Variants in RUBCN observed in about 807,000 individuals in gnomAD.
RUBCN encodes run domain Beclin-1-interacting and cysteine-rich domain-containing protein.
In RUBCN, 74 loss-of-function variants were observed where a neutral mutation model predicts 113.2. The observed-to-expected ratio is 0.65, with a 90% confidence interval of 0.54 to 0.79. The LOEUF (loss-of-function observed/expected upper bound fraction) is 0.79. Ranked by LOEUF, RUBCN falls within the 30% of genes least tolerant of loss-of-function variation. The pLI, the probability that RUBCN is intolerant of heterozygous loss-of-function variation, is 0.00. For synonymous variants in RUBCN, 480 were observed against 490.0 expected (o/e 0.98, Z 0.27); for missense variants, 1,109 against 1,251.7 (o/e 0.89, Z 1.72).
chr3:197,747,548 GA>G (rs1030494601), intron 1 of RUBCN, among the ~76,000 whole-genome samples: 5 of 152,090 alleles, frequency 3.3e-5, no homozygotes, highest in African/African-American at 1.2e-4. Context: ...TAGTGGTAGG[GA>G]GGATTTTATA....
At chr3:197,700,046 T>G (rs1049918699) in intron 7 of RUBCN, among the ~76,000 whole-genome samples, 7 of 152,282 alleles carry the variant, frequency 4.6e-5, no homozygotes, top group Non-Finnish European at 8.8e-5. Flanking sequence ...TATCAGCTGG[T>G]GTTTGGTGAG....
chr3:197,718,266 C>T lies in RUBCN; in HGVS notation c.66-136G>A, dbSNP rs572203805. 1.1e-4 allele frequency: 103 copies of T among 908,670 alleles called. 1 individual carries two copies. Among genetic ancestry groups the T allele is most frequent in the Non-Finnish European group, 1.7e-4 (93 of 561,982 alleles). The allele number at this position is 908,670 out of a possible 1,614,324, so 56.3% of individuals were successfully genotyped here. Reference sequence around the variant, plus strand: ...TCTCCCCTCTTAATTTTTACTTGGGCACAAAACTCAACTCTGAGAGAATTA... The same window carrying T: ...TCTCCCCTCTTAATTTTTACTTGGGTACAAAACTCAACTCTGAGAGAATTA... On this transcript the variant is annotated intron_variant, in intron 1 of 19. Transcript: ENST00000296343.
chr3:197,717,072 G>A (rs1332633163), intron 2 of RUBCN, among the ~76,000 whole-genome samples: 1 of 152,148 alleles, frequency 6.6e-6, no homozygotes, highest in African/African-American at 2.4e-5. Context: ...AGCGAGCCAT[G>A]ATTTTGTCAT....
chr3:197,743,774 A>G (rs1439480734), intron 1 of RUBCN, among the ~76,000 whole-genome samples: 1 of 152,206 alleles, frequency 6.6e-6, no homozygotes, highest in Non-Finnish European at 1.5e-5. Flanking sequence ...TCACGAGGTC[A>G]GGAGTTCAAG....
At position 197,694,434 on chromosome 3, in the gene RUBCN, C is replaced by T; in HGVS notation, c.1625G>A (p.Arg542Gln). 3 of 1,614,172 alleles carry T rather than the reference C, an allele frequency of 1.9e-6. No individual in the cohort carries two copies. The highest frequency in any genetic ancestry group is 1.6e-4 in the Middle Eastern group (1 of 6,062). Residue 542 changes from arginine (R) to glutamine (Q), a missense_variant, in exon 10 of 20, where the codon CGG becomes CAG. Physicochemically the swap from Arg to Gln is conservative, Grantham distance 43. Around this residue, in one of 3 missense-constraint regions of RUBCN, gnomAD observed 736 missense variants for 779.6 expected, o/e 0.94. Transcript: ENST00000296343. ...IQELKQKIRL[R>Q]RQQIRTKNLL... is the part of the protein sequence containing the mutation. ...GTTCTTGGTGCGGATTTGCTGGCGC[C>T]GAAGGCGGATCTTCTGCTTCAGCTC...
At chr3:197,728,647 T>A (rs1178933887) in intron 1 of RUBCN, among the ~76,000 whole-genome samples, 2 of 152,174 alleles carry the variant, frequency 1.3e-5, no homozygotes, top group East Asian at 3.9e-4. Flanking sequence ...ACCAACTATA[T>A]GTCAGGCACT....
Position 197,742,514 on chromosome 3 carries a change from G to C in RUBCN, c.-116+6755C>G, listed in dbSNP as rs1728566809. On this transcript the variant is annotated intron_variant, in intron 1 of 20. Transcript: ENST00000273582. ...TCAAAAAAAAAAAATCTTATTTCTA[G>C]ACTGAGCAAATCCTTAACATAGTTG... Among the ~76,000 whole-genome samples the C allele has an allele frequency of 2.0e-5, 3 of 152,254 alleles. No individual in the cohort carries two copies. The South Asian group carries it at 6.2e-4, about 32-fold the overall frequency.
At chr3:197,704,814 C>CTG in intron 3 of RUBCN, 113 bp from the exon 4 acceptor site, 2 of 1,202,162 alleles carry the variant, frequency 1.7e-6, no homozygotes, top group South Asian at 2.5e-5. Flanking sequence ...CTTTGAAAGG[C>CTG]TTCACCCTGG....
chr3:197,686,390 C>A (rs9858066), intron 11 of RUBCN, among the ~76,000 whole-genome samples: 4 of 152,102 alleles, frequency 2.6e-5, no homozygotes, highest in African/African-American at 9.7e-5. Context: ...ATCATGAATA[C>A]GTCCAAGAGT....
chr3:197,698,303 C>T (rs1560430095), intron 7 of RUBCN, among the ~76,000 whole-genome samples: 1 of 152,224 alleles, frequency 6.6e-6, no homozygotes, highest in African/African-American at 2.4e-5. Flanking sequence ...AGCTAACATA[C>T]CCAATGGCCT....
chr3:197,712,247 A>C (rs1400382674), intron 2 of RUBCN, among the ~76,000 whole-genome samples: 2 of 152,200 alleles, frequency 1.3e-5, no homozygotes, highest in African/African-American at 2.4e-5. Flanking sequence ...TTCTGGAAGG[A>C]CTAAAAAGGT....
At chr3:197,700,539 G>A (rs1196882664) in intron 7 of RUBCN, 74 bp downstream of exon 7, 5 of 1,450,568 alleles carry the variant, frequency 3.4e-6, no homozygotes, top group Non-Finnish European at 3.9e-6. Context: ...CACCTGAAAA[G>A]TCCCCATAAC....
chr3:197,743,494 C>G (rs117578473), intron 1 of RUBCN, among the ~76,000 whole-genome samples: 2,117 of 152,162 alleles, frequency 0.014, 36 homozygotes, highest in East Asian at 0.053. Context: ...AAGACTAGAA[C>G]AGGAAAAGTT....
rs60412410 is a variant in RUBCN at position 197,703,470 on chromosome 3, A to C, written c.570+78T>G. 2,227 of 848,552 alleles carry C rather than the reference A, an allele frequency of 2.6e-3. 25 individuals carry two copies. The highest frequency in any genetic ancestry group is 0.018 in the African/African-American group (1,082 of 59,416). The allele number at this position is 848,552 out of a possible 1,614,324, so 52.6% of individuals were successfully genotyped here. On this transcript the variant is annotated intron_variant, in intron 5 of 19. Coordinates refer to ENST00000296343, the MANE Select transcript of RUBCN (RefSeq NM_014687.4). ...AGCTCACAAAAATGGCTAAGTGAAA[A>C]AGTTTGCTGTAGAGGGCTACATCCT...
At chr3:197,699,243 C>CA in intron 7 of RUBCN, 3 of 1,534,466 alleles carry the variant, frequency 2.0e-6, no homozygotes, top group Non-Finnish European at 1.8e-6. Context: ...TGCCGGTAGA[C>CA]AGACAGGTGC....
chr3:197,747,287 A>G (rs1728787184), intron 1 of RUBCN, among the ~76,000 whole-genome samples: 1 of 152,014 alleles, frequency 6.6e-6, no homozygotes, highest in Non-Finnish European at 1.5e-5. Context: ...CTGAAACACA[A>G]CAGCTAGGAC....
intron 1 of RUBCN, among the ~76,000 whole-genome samples, chr3:197,745,323 A>C (rs1728696404): frequency 6.7e-6 from 1 of 149,426 alleles, no homozygotes; most frequent in East Asian, 2.0e-4. Flanking sequence ...GGGGATTTAA[A>C]AGGCAAATCA....
At chr3:197,693,174 T>C (rs1722617496) in intron 11 of RUBCN, among the ~76,000 whole-genome samples, 1 of 152,170 alleles carries the variant, frequency 6.6e-6, no homozygotes, top group African/African-American at 2.4e-5. Context: ...TCCTCTATGC[T>C]GATACTCCTA....
intron 1 of RUBCN, among the ~76,000 whole-genome samples, chr3:197,734,648 G>A (rs1224373826): frequency 1.3e-5 from 2 of 152,062 alleles, no homozygotes; most frequent in Non-Finnish European, 2.9e-5. Flanking sequence ...GTGGTAAATA[G>A]CATTTGTTAC....
Sources: gnomAD v4.1 joint callset for allele counts (sites outside exome capture counted in the v4.1 genomes callset) on GRCh38, gnomAD v4.1.1 for gene constraint, gnomAD v4.1.1 regional missense constraint, MANE v1.5 for transcripts, NCBI Gene and HGNC (gene_info 2026-07-23, HGNC 2026-07-21) for gene names.